The following HAVCR1 variants were observed in gnomAD, a reference collection of about 807,000 sequenced individuals.
HAVCR1 encodes the protein hepatitis A virus cellular receptor 1, also known as T cell immunoglobin domain and mucin domain protein 1.
Under a neutral mutation model 32.0 loss-of-function variants are expected in HAVCR1, and 34 were observed. The observed-to-expected ratio is 1.06, with a 90% CI of 0.81 to 1.42. The LOEUF is 1.42. Ranked by LOEUF, HAVCR1 falls within the 40% of genes most tolerant of loss-of-function variation. HAVCR1 has a pLI of 0.00. For missense variants in HAVCR1, 420 were observed against 442.3 expected, an observed-to-expected ratio of 0.95 and a Z score of 0.45; for synonymous variants, 178 against 170.3, an observed-to-expected ratio of 1.05 and a Z score of -0.35.
chr5:157,053,977 T>A (rs1270997678), intron 3 of HAVCR1, among the ~76,000 whole-genome samples: 1 of 151,428 alleles, frequency 6.6e-6, no homozygotes, highest in Non-Finnish European at 1.5e-5. Flanking sequence ...GCCCAGAAGT[T>A]TGAGACCAGC....
chr5:157,033,188 C>A (rs1754277996), intron 7 of HAVCR1, among the ~76,000 whole-genome samples: 1 of 151,882 alleles, frequency 6.6e-6, no homozygotes, highest in Non-Finnish European at 1.5e-5. Context: ...GTCCAAGATC[C>A]TTCTGATAGG....
the HAVCR1 span, among the ~76,000 whole-genome samples, chr5:157,067,347 C>G: frequency 1.3e-5 from 2 of 152,166 alleles, no homozygotes; most frequent in Non-Finnish European, 2.9e-5. Context: ...GCTGGTCACA[C>G]CCTATCACTC....
chr5:157,048,184 T>C (rs1755521210), intron 5 of HAVCR1, among the ~76,000 whole-genome samples: 1 of 152,142 alleles, frequency 6.6e-6, no homozygotes. Context: ...CTCCTGGTAC[T>C]TTTTGGGGTC....
At chr5:157,058,215 A>G in intron 1 of HAVCR1, 1 of 410,706 alleles carries the variant, frequency 2.4e-6, no homozygotes, top group Non-Finnish European at 4.5e-6. Flanking sequence ...TCTTCCCCAC[A>G]CATAACCGCC....
At chr5:157,065,052 G>T in the HAVCR1 span, among the ~76,000 whole-genome samples, 3 of 152,180 alleles carry the variant, frequency 2.0e-5, no homozygotes, top group Non-Finnish European at 4.4e-5. Context: ...TATTGGCTGG[G>T]TGCGGTGGCT....
intron 4 of HAVCR1, 118 bp downstream of exon 4, chr5:157,052,243 A>T (rs983785668): frequency 4.0e-5 from 35 of 864,566 alleles, no homozygotes; most frequent in Non-Finnish European, 5.7e-5. Context: ...GGAGACCCTG[A>T]TTGAAACCCA....
At chr5:157,061,651 G>A (rs1212905209), upstream of HAVCR1, among the ~76,000 whole-genome samples, 4 of 151,894 alleles carry the variant, frequency 2.6e-5, no homozygotes, top group African/African-American at 9.7e-5. Context: ...AATTTACCCT[G>A]AGCGGAGATC....
upstream of HAVCR1, among the ~76,000 whole-genome samples, chr5:157,061,693 T>G (rs1756492418): frequency 1.6e-5 from 2 of 124,400 alleles, no homozygotes. Flanking sequence ...GGCCACAGAG[T>G]GAGACTTCTC....
At chr5:157,060,224 T>C (rs4704841), upstream of HAVCR1, among the ~76,000 whole-genome samples, 44,613 of 151,354 alleles carry the variant, frequency 0.29, 7,718 homozygotes, top group East Asian at 0.55. Flanking sequence ...AGAAAAATAA[T>C]AATAATAATA....
At chr5:157,040,298 CA>C (rs67596524) in intron 6 of HAVCR1, among the ~76,000 whole-genome samples, 40,145 of 141,744 alleles carry the variant, frequency 0.28, 5,417 homozygotes, top group Admixed American at 0.36. Context: ...AACTCTGTCT[CA>C]AAAAAAAAAA....
intron 8 of HAVCR1, among the ~76,000 whole-genome samples, chr5:157,032,478 A>G (rs1754235697): frequency 6.6e-6 from 1 of 152,270 alleles, no homozygotes; most frequent in Non-Finnish European, 1.5e-5. Flanking sequence ...AGAAGGTGCC[A>G]TTGCACTCCA....
rs1561591565 is a variant in HAVCR1 at position 157,044,663 on chromosome 5, A to AAGAAAGAAAGAAAG, written c.782-1995_782-1982dup. ...AAAGAAAGAAAGAAAGAAAGAAAGAAAGAAAGAAAGAAAGGAGGGAGGGAG... is the reference window on the plus strand; with the variant it reads ...AAAGAAAGAAAGAAAGAAAGAAAGAAAGAAAGAAAGAAAGAGAAAGAAAGAAAGGAGGGAGGGAG... On this transcript the variant is annotated intron_variant, in intron 5 of 8. Coordinates refer to ENST00000523175, the MANE Select transcript of HAVCR1 (RefSeq NM_001173393.3). Among the ~76,000 whole-genome samples the AAGAAAGAAAGAAAG allele has an allele frequency of 1.0e-3, 143 of 141,662 alleles. 7 individuals are homozygous for AAGAAAGAAAGAAAG. Among genetic ancestry groups the AAGAAAGAAAGAAAG allele is most frequent in the African/African-American group, 3.6e-3 (131 of 36,360 alleles). 92.9% of individuals were successfully genotyped at this position (141,662 alleles called of 152,430 possible). A position where few individuals can be genotyped will look rare whatever the true frequency, so the allele number is the denominator to read the frequency against.
At chr5:157,057,376 GAGAGAGAGAGGAAAGAAAGAAA>G (rs1287962889) in intron 2 of HAVCR1, among the ~76,000 whole-genome samples, 8 of 141,422 alleles carry the variant, frequency 5.7e-5, no homozygotes, top group Non-Finnish European at 1.2e-4. Context: ...GAGAGAGAGA[GAGAGAGAGAGGAAAGAAAGAAA>G]GAAAGAAAGA....
chr5:157,029,884 A>G, intron 8 of HAVCR1, 43 bp from the exon 9 acceptor site: 1 of 1,560,344 alleles, frequency 6.4e-7, no homozygotes, highest in East Asian at 2.3e-5. Flanking sequence ...TAAGAAAAAA[A>G]GCAGACCACT....
At chr5:157,050,319 C>G (rs1311373753) in intron 4 of HAVCR1, among the ~76,000 whole-genome samples, 1 of 152,158 alleles carries the variant, frequency 6.6e-6, no homozygotes, top group Non-Finnish European at 1.5e-5. Context: ...TAACTTCTTT[C>G]CTAAGTTTGG....
intron 4 of HAVCR1, among the ~76,000 whole-genome samples, chr5:157,051,350 A>T (rs1165975440): frequency 6.6e-6 from 1 of 152,196 alleles, no homozygotes; most frequent in African/African-American, 2.4e-5. Context: ...GACTACCCTG[A>T]AAAGACAGTG....
chr5:157,035,262 T>C (rs554816800), intron 7 of HAVCR1, among the ~76,000 whole-genome samples: 1 of 152,318 alleles, frequency 6.6e-6, no homozygotes, highest in South Asian at 2.1e-4. Context: ...AATTTCTAAA[T>C]AACTTTGACT....
the HAVCR1 span, among the ~76,000 whole-genome samples, chr5:157,067,033 C>T: frequency 6.6e-6 from 1 of 152,136 alleles, no homozygotes; most frequent in Non-Finnish European, 1.5e-5. Context: ...TTGTGGTTAG[C>T]AGTAAGGATG....
chr5:157,038,167 A>G (rs1341545000), intron 6 of HAVCR1, among the ~76,000 whole-genome samples: 1 of 152,184 alleles, frequency 6.6e-6, no homozygotes, highest in Non-Finnish European at 1.5e-5. Context: ...AATAGATTTG[A>G]GAGTAGCTGC....
Sources: gnomAD v4.1 joint callset for allele counts (sites outside exome capture counted in the v4.1 genomes callset) on GRCh38, gnomAD v4.1.1 for gene constraint, MANE v1.5 for transcripts, NCBI Gene and HGNC (gene_info 2026-07-23, HGNC 2026-07-21) for gene names.